Variants in KCNMA1 observed in about 807,000 individuals in gnomAD.
The protein encoded by KCNMA1 is Calcium-activated potassium channel subunit alpha-1.
In KCNMA1, 29 loss-of-function variants were observed where a neutral mutation model predicts 140.0. The ratio of observed to expected loss-of-function variants is 0.21; its 90% CI spans 0.15 to 0.28. KCNMA1 has a LOEUF of 0.28. Ranked by LOEUF, KCNMA1 falls within the 10% of genes least tolerant of loss-of-function variation. The pLI is 1.00. For synonymous variants in KCNMA1, 612 were observed against 611.9 expected (o/e 1.00, Z 0.00); for missense variants, 880 against 1,602.2 (o/e 0.55, Z 7.70).
At chr10:77,155,910 G>C (rs1597399969) in intron 5 of KCNMA1, among the ~76,000 whole-genome samples, 1 of 152,142 alleles carries the variant, frequency 6.6e-6, no homozygotes, top group East Asian at 1.9e-4. Context: ...ACAGCAGAAA[G>C]TTCATCTGTT....
At chr10:77,503,697 T>C (rs2044733935) in intron 1 of KCNMA1, among the ~76,000 whole-genome samples, 1 of 152,182 alleles carries the variant, frequency 6.6e-6, no homozygotes, top group Non-Finnish European at 1.5e-5. Flanking sequence ...GTAGAGACAG[T>C]GTAGTGACTG....
At chr10:76,977,196 G>A (rs1026159448) in intron 19 of KCNMA1, among the ~76,000 whole-genome samples, 11 of 152,156 alleles carry the variant, frequency 7.2e-5, no homozygotes, top group Admixed American at 7.2e-4. Context: ...TTTTAGAGTA[G>A]GGATGAAACC....
intron 1 of KCNMA1, among the ~76,000 whole-genome samples, chr10:77,503,302 AT>A (rs144250388): frequency 2.0e-5 from 3 of 151,968 alleles, no homozygotes; most frequent in Non-Finnish European, 4.4e-5. Flanking sequence ...CACATTTTGG[AT>A]TTTTTTTCTT....
In KCNMA1 at chr10:77,409,117, C is replaced by T. The variant is rs190380; in HGVS notation, c.379-5094G>A. On this transcript the variant is annotated intron_variant, in intron 1 of 27. Transcript: ENST00000286628. ...CCATTCCCTTTAGTGGTGTTCCCCACGATGACTTTTTGTTGACATGGCCGC... is the reference window on the plus strand; with the variant it reads ...CCATTCCCTTTAGTGGTGTTCCCCATGATGACTTTTTGTTGACATGGCCGC... Among the ~76,000 whole-genome samples, 1,432 of 152,274 alleles carry T rather than the reference C, an allele frequency of 9.4e-3. 13 individuals are homozygous for T. The highest frequency in any genetic ancestry group is 0.024 in the South Asian group (117 of 4,818).
At chr10:76,908,470 T>C (rs979600474) in intron 25 of KCNMA1, among the ~76,000 whole-genome samples, 4 of 152,248 alleles carry the variant, frequency 2.6e-5, no homozygotes, top group Non-Finnish European at 2.9e-5. Flanking sequence ...AAATTCTGAT[T>C]TTTAAATAAG....
In KCNMA1 at chr10:77,378,275, G is replaced by A. The variant is rs558009587; in HGVS notation, c.540+25587C>T. Among the ~76,000 whole-genome samples the A allele has an allele frequency of 2.0e-4, 30 of 152,318 alleles. No individual in the cohort carries two copies. The South Asian group carries it at 6.0e-3, about 31-fold the overall frequency. The stretch of plus-strand genomic sequence containing the variant: ...GGTGGTGAGGTTGCTGCTTTTTTAT[G>A]TATTGGCTTTTTCTGCCTCCCCAAT... On this transcript the variant is annotated intron_variant, in intron 2 of 27. Coordinates refer to ENST00000286628, the MANE Select transcript of KCNMA1 (RefSeq NM_001161352.2).
intron 1 of KCNMA1, among the ~76,000 whole-genome samples, chr10:77,476,576 T>C (rs1250504411): frequency 6.6e-6 from 1 of 152,228 alleles, no homozygotes; most frequent in African/African-American, 2.4e-5. Flanking sequence ...TCAGAGGCTT[T>C]TGGCTCCTGC....
intron 3 of KCNMA1, among the ~76,000 whole-genome samples, chr10:77,217,818 C>G (rs1456858996): frequency 6.6e-6 from 1 of 152,124 alleles, no homozygotes; most frequent in Non-Finnish European, 1.5e-5. Flanking sequence ...CTCAGCCTCT[C>G]TTTTGAATTT....
At chr10:77,562,248 A>C (rs2066631563) in intron 1 of KCNMA1, among the ~76,000 whole-genome samples, 1 of 152,202 alleles carries the variant, frequency 6.6e-6, no homozygotes, top group South Asian at 2.1e-4. Flanking sequence ...CAGCTGCTCA[A>C]AGTTCCACCA....
chr10:77,271,821 C>T (rs1162094981), intron 2 of KCNMA1, among the ~76,000 whole-genome samples: 2 of 152,146 alleles, frequency 1.3e-5, no homozygotes, highest in African/African-American at 4.8e-5. Flanking sequence ...CAAAACACCA[C>T]AACCCCACAC....
chr10:77,084,041 T>C (rs2096641762), intron 12 of KCNMA1, among the ~76,000 whole-genome samples: 1 of 152,090 alleles, frequency 6.6e-6, no homozygotes, highest in Non-Finnish European at 1.5e-5. Context: ...TTTGGGGTGA[T>C]AGGAATCAAT....
chr10:77,067,340 C>G (rs1053650618), intron 14 of KCNMA1, among the ~76,000 whole-genome samples: 1 of 152,176 alleles, frequency 6.6e-6, no homozygotes, highest in Non-Finnish European at 1.5e-5. Flanking sequence ...AGACTTATAC[C>G]ATTGACTTTG....
intron 23 of KCNMA1, chr10:76,930,377 G>A (rs538161364): frequency 6.6e-6 from 1 of 152,212 alleles, no homozygotes; most frequent in Admixed American, 6.5e-5. Flanking sequence ...ATATGAAAAG[G>A]TGCTCAATAT....
chr10:77,435,402 C>T lies in KCNMA1; in HGVS notation c.379-31379G>A, dbSNP rs545757814. On this transcript the variant is annotated intron_variant, in intron 1 of 27. Transcript: ENST00000286628. ...GTATGAAATTCTAGGTAGATGCCTC[C>T]GTTTGCATGCAGTCTCAATGGGGGC... Among the ~76,000 whole-genome samples the T allele has an allele frequency of 4.6e-5, 7 of 152,250 alleles. No homozygotes were observed. The East Asian group carries it at 1.2e-3, about 25-fold the overall frequency.
chr10:77,500,546 T>A (rs150332871), intron 1 of KCNMA1, among the ~76,000 whole-genome samples: 2 of 152,110 alleles, frequency 1.3e-5, no homozygotes, highest in African/African-American at 4.8e-5. Context: ...TCCAAGCAAG[T>A]GAAATTCAAG....
chr10:77,111,380 C>A (rs2097318086), intron 7 of KCNMA1, among the ~76,000 whole-genome samples: 1 of 152,204 alleles, frequency 6.6e-6, no homozygotes, highest in African/African-American at 2.4e-5. Context: ...ACAAAAGTTT[C>A]CTGGTGAACC....
intron 2 of KCNMA1, among the ~76,000 whole-genome samples, chr10:77,370,886 C>G (rs2094653850): frequency 6.6e-6 from 1 of 152,182 alleles, no homozygotes; most frequent in South Asian, 2.1e-4. Context: ...TGGAGAATTA[C>G]TGAAAATGTG....
chr10:77,323,495 C>A (rs1435670957), intron 2 of KCNMA1, among the ~76,000 whole-genome samples: 1 of 152,164 alleles, frequency 6.6e-6, no homozygotes, highest in Non-Finnish European at 1.5e-5. Context: ...TCTGAAGGAG[C>A]AGGACTTAGC....
intron 14 of KCNMA1, among the ~76,000 whole-genome samples, chr10:77,041,199 C>A (rs1415368811): frequency 0.012 from 55 of 4,422 alleles, 1 homozygote; most frequent in Non-Finnish European, 0.014. Context: ...GAGTCTCGCT[C>A]TGTCGCCCAG....
Sources: gnomAD v4.1 joint callset for allele counts (sites outside exome capture counted in the v4.1 genomes callset) on GRCh38, gnomAD v4.1.1 for gene constraint, MANE v1.5 for transcripts, NCBI Gene and HGNC (gene_info 2026-07-23, HGNC 2026-07-21) for gene names.